TMEM87A: variants seen among roughly 807,000 people sequenced by gnomAD.
TMEM87A encodes transmembrane protein 87A.
TMEM87A carries 50 observed loss-of-function variants against 90.0 expected under a neutral mutation model. The observed-to-expected ratio is 0.56, with a 90% confidence interval of 0.44 to 0.70. The LOEUF is 0.70. Ranked by LOEUF, TMEM87A falls within the 30% of genes least tolerant of loss-of-function variation. The probability of loss-of-function intolerance (pLI) is 0.00; values close to 1 mark genes in which losing one functional copy is unlikely to be tolerated. For synonymous variants in TMEM87A, 226 were observed against 226.7 expected (o/e 1.00, Z 0.03); for missense variants, 577 against 660.5 (o/e 0.87, Z 1.39).
At chr15:42,231,107 A>C (rs2050678478) in intron 12 of TMEM87A, 85 bp downstream of exon 12, 2 of 1,324,174 alleles carry the variant, frequency 1.5e-6, no homozygotes, top group African/African-American at 3.1e-5. Context: ...CAAAACTGAT[A>C]AAAACTCTTT....
intron 6 of TMEM87A, among the ~76,000 whole-genome samples, chr15:42,255,355 C>T (rs1173478727): frequency 6.6e-6 from 1 of 152,156 alleles, no homozygotes; most frequent in African/African-American, 2.4e-5. Context: ...TGGTCTTGAA[C>T]TCGTGACCTC....
chr15:42,236,377 T>C lies in TMEM87A; in HGVS notation c.911A>G (p.Lys304Arg). 1 of 1,614,092 alleles carries C rather than the reference T, an allele frequency of 6.2e-7. No individual in the cohort carries two copies. The highest frequency in any genetic ancestry group is 8.5e-7 in the Non-Finnish European group (1 of 1,179,962). Reference sequence around the variant, plus strand: ...GACCAGGGTTCGAGCCAGTGAGCGTTTCACTGCTGAAAGCAGCTCTGCAAG... The same window carrying C: ...GACCAGGGTTCGAGCCAGTGAGCGTCTCACTGCTGAAAGCAGCTCTGCAAG... ...LILAELLSAV[K>R]RSLARTLVII... is the part of the protein sequence containing the mutation. Residue 304 changes from lysine to arginine, a missense_variant, in exon 10 of 20, where the codon AAA (lysine) becomes AGA (arginine). Coordinates refer to ENST00000389834, the MANE Select transcript of TMEM87A (RefSeq NM_015497.5).
At chr15:42,242,092 A>G (rs1465615799) in intron 7 of TMEM87A, among the ~76,000 whole-genome samples, 2 of 151,626 alleles carry the variant, frequency 1.3e-5, no homozygotes, top group African/African-American at 4.8e-5. Context: ...AAAAAAAAGA[A>G]AAAGAAAAAA....
chr15:42,235,504 T>C (rs1348979783), intron 10 of TMEM87A, among the ~76,000 whole-genome samples: 1 of 152,200 alleles, frequency 6.6e-6, no homozygotes, highest in Non-Finnish European at 1.5e-5. Flanking sequence ...AAATCTTCAA[T>C]TCCATCCTGC....
rs757430863 is a variant in TMEM87A at position 42,261,288 on chromosome 15, A to C, written c.406-39T>G. The C allele has an allele frequency of 5.7e-6, 9 of 1,567,694 alleles. No homozygotes were observed. In the Admixed American group the frequency reaches 1.6e-4, roughly 28 times the overall value. ...ACAAAACAAAACATTAAAGGTGTGT[A>C]AATACTAGAAGAAAAGTGTAGCTCA... On this transcript the variant is annotated intron_variant, in intron 4 of 19. Transcript: ENST00000389834.
At position 42,211,524 on chromosome 15, in the gene TMEM87A, A is replaced by C; in HGVS notation, c.*184T>G. The C allele has an allele frequency of 1.7e-6, 1 of 574,618 alleles. No individual in the cohort carries two copies. The highest frequency in any genetic ancestry group is 2.9e-5 in the South Asian group (1 of 35,000). 35.6% of individuals were successfully genotyped at this position (574,618 alleles called of 1,614,324 possible). On this transcript the variant is annotated 3_prime_UTR_variant, in exon 20 of 20. Coordinates refer to ENST00000389834, the MANE Select transcript of TMEM87A (RefSeq NM_015497.5). ...CTCGTAGATTTTTCTCATCTTATGAACTTGTTTTCAGTAAGATGTTCTCTT... is the reference window on the plus strand; with the variant it reads ...CTCGTAGATTTTTCTCATCTTATGACCTTGTTTTCAGTAAGATGTTCTCTT...
chr15:42,254,797 A>C (rs1166727556), intron 6 of TMEM87A, among the ~76,000 whole-genome samples: 5 of 152,226 alleles, frequency 3.3e-5, no homozygotes, highest in African/African-American at 1.2e-4. Context: ...TTACACATTT[A>C]TCAAAATTCA....
At chr15:42,219,209 T>C (rs374759651) in intron 17 of TMEM87A, among the ~76,000 whole-genome samples, 1 of 152,242 alleles carries the variant, frequency 6.6e-6, no homozygotes, top group Non-Finnish European at 1.5e-5. Flanking sequence ...GTAGGTGTTA[T>C]GTTAAGAAAT....
chr15:42,214,888 C>T (rs2050355286), intron 19 of TMEM87A, among the ~76,000 whole-genome samples: 1 of 151,986 alleles, frequency 6.6e-6, no homozygotes, highest in East Asian at 1.9e-4. Flanking sequence ...GGGAAGCACA[C>T]AACAGAATGA....
chr15:42,234,008 C>G (rs2050731575), intron 10 of TMEM87A, among the ~76,000 whole-genome samples: 1 of 151,624 alleles, frequency 6.6e-6, no homozygotes, highest in Non-Finnish European at 1.5e-5. Flanking sequence ...TCTAGAACTC[C>G]TAGGCTTAAG....
chr15:42,226,193 T>C (rs2050588192), intron 15 of TMEM87A, among the ~76,000 whole-genome samples: 1 of 152,018 alleles, frequency 6.6e-6, no homozygotes, highest in Non-Finnish European at 1.5e-5. Flanking sequence ...AGAGACGGGG[T>C]TCCGCCACGG....
chr15:42,266,063 T>G (rs576524642), intron 3 of TMEM87A, among the ~76,000 whole-genome samples: 1 of 152,322 alleles, frequency 6.6e-6, no homozygotes, highest in South Asian at 2.1e-4. Context: ...TCTGTTTCAT[T>G]GGTCTTTGTG....
intron 7 of TMEM87A, among the ~76,000 whole-genome samples, chr15:42,243,058 A>G (rs1253456171): frequency 6.6e-6 from 1 of 152,094 alleles, no homozygotes; most frequent in Non-Finnish European, 1.5e-5. Context: ...CAAGGTCAGG[A>G]GATCGAAACC....
intron 11 of TMEM87A, 192 bp downstream of exon 11, chr15:42,233,021 G>A (rs1036342010): frequency 2.8e-4 from 99 of 359,056 alleles, no homozygotes; most frequent in Middle Eastern, 1.4e-3. Flanking sequence ...ATTCATTCGG[G>A]CACACACTAA....
At position 42,219,976 on chromosome 15, in the gene TMEM87A, G is replaced by T. The variant is rs899512126; in HGVS notation, c.1477+86C>A. The T allele has an allele frequency of 7.1e-6, 9 of 1,268,758 alleles. No homozygotes were observed. In the African/African-American group the frequency reaches 1.2e-4, roughly 17 times the overall value. The allele number at this position is 1,268,758 out of a possible 1,614,324, so 78.6% of individuals were successfully genotyped here. A position where few individuals can be genotyped will look rare whatever the true frequency, so the allele number is the denominator to read the frequency against. On this transcript the variant is annotated intron_variant, in intron 16 of 19. Transcript: ENST00000389834. ...TGACTTCATCCCACACCAAATATAG[G>T]AACAACACAGTTATAAAATAATAAA...
chr15:42,262,879 T>C (rs947573909), intron 4 of TMEM87A, among the ~76,000 whole-genome samples: 3 of 152,242 alleles, frequency 2.0e-5, no homozygotes, highest in African/African-American at 7.2e-5. Flanking sequence ...TATAAAATTT[T>C]TCTATCAAAA....
chr15:42,261,090 T>A, intron 5 of TMEM87A, 88 bp from the exon 6 acceptor site: 1 of 1,544,464 alleles, frequency 6.5e-7, no homozygotes, highest in South Asian at 1.2e-5. Flanking sequence ...GGAAGCCTGC[T>A]CCCCAGGTGC....
intron 6 of TMEM87A, among the ~76,000 whole-genome samples, chr15:42,253,898 T>C (rs550355090): frequency 3.3e-5 from 5 of 152,330 alleles, no homozygotes; most frequent in East Asian, 1.9e-4. Context: ...CATTTTATTA[T>C]GTAAGAAACT....
chr15:42,224,091 G>C (rs1162869416), intron 15 of TMEM87A, among the ~76,000 whole-genome samples: 2 of 152,194 alleles, frequency 1.3e-5, no homozygotes, highest in Non-Finnish European at 2.9e-5. Flanking sequence ...CCCATAACAT[G>C]TCCTGTCTTT....
Sources: allele counts gnomAD v4.1 joint callset (sites outside exome capture counted in the v4.1 genomes callset), GRCh38; gene constraint gnomAD v4.1.1; transcripts MANE v1.5; gene names NCBI Gene and HGNC (gene_info 2026-07-23, HGNC 2026-07-21).